The following ATXN7 variants were observed in gnomAD, a reference collection of about 807,000 sequenced individuals.
The protein encoded by ATXN7 is ataxin-7.
A neutral mutation model predicts 70.5 loss-of-function variants in ATXN7; 12 were observed. The observed-to-expected ratio is 0.17, with a 90% CI of 0.11 to 0.28. The LOEUF is 0.28. Ranked by LOEUF, ATXN7 falls within the 10% of genes least tolerant of loss-of-function variation. The pLI is 1.00. For missense variants in ATXN7, 1,256 were observed against 1,131.7 expected, an observed-to-expected ratio of 1.11 and a Z score of -1.58; for synonymous variants, 498 against 448.7, an observed-to-expected ratio of 1.11 and a Z score of -1.39.
chr3:63,929,358 C>T (rs371782846), intron 4 of ATXN7, among the ~76,000 whole-genome samples: 10 of 151,292 alleles, frequency 6.6e-5, no homozygotes, highest in Admixed American at 1.3e-4. Flanking sequence ...CTGCAACCTC[C>T]GACTCCCTGT....
intron 11 of ATXN7, 180 bp downstream of exon 11, chr3:63,991,039 A>G: frequency 6.2e-6 from 5 of 809,476 alleles, no homozygotes; most frequent in Non-Finnish European, 9.5e-6. Flanking sequence ...ACAACTACAT[A>G]TTGTTGTGGG....
intron 5 of ATXN7, among the ~76,000 whole-genome samples, chr3:63,975,366 T>A (rs1020072983): frequency 2.0e-5 from 3 of 152,174 alleles, no homozygotes; most frequent in Admixed American, 6.5e-5. Context: ...GATAACCAAG[T>A]AAACTGTATT....
rs1023992258 is a variant in ATXN7, at chr3:63,879,583, C to A, written c.-111+15425C>A. On this transcript the variant is annotated intron_variant, in intron 1 of 12. Coordinates refer to ENST00000674280, the MANE Select transcript of ATXN7 (RefSeq NM_001377405.1). ...CTCGGCTCACTGCAACCTCTGCCTC[C>A]TGGGTTCAAGCGATTCTCCTGCCTC... 5.3e-5 allele frequency among the ~76,000 whole-genome samples: 8 copies of A among 151,376 alleles called. No individual in the cohort carries two copies. The East Asian group carries it at 1.6e-3, about 30-fold the overall frequency.
At chr3:63,948,149 G>A (rs1200674175) in intron 4 of ATXN7, among the ~76,000 whole-genome samples, 1 of 152,166 alleles carries the variant, frequency 6.6e-6, no homozygotes, top group Non-Finnish European at 1.5e-5. Flanking sequence ...GGTGCTGGTG[G>A]CAGGCCCAAT....
At position 63,996,069 on chromosome 3, in the gene ATXN7, G is replaced by C. The variant is rs759730525; in HGVS notation, c.2247G>C (p.Thr749=). ...VAHSGPPYPS[T]VTSSHSIGLN... Reference sequence around the variant, plus strand: ...ACTCTGGGCCTCCCTACCCCTCAACGGTAACATCTTCCCATAGCATCGGCC... The same window carrying C: ...ACTCTGGGCCTCCCTACCCCTCAACCGTAACATCTTCCCATAGCATCGGCC... The change falls in exon 12 of 13, where the codon ACG becomes ACC. Residue 749 remains threonine, a synonymous_variant. Transcript: ENST00000674280. The C allele has an allele frequency of 7.4e-6, 12 of 1,614,004 alleles. No homozygotes were observed. The highest frequency in any genetic ancestry group is 1.0e-5 in the Non-Finnish European group (12 of 1,180,040).
chr3:63,932,356 G>A (rs1210914813), intron 4 of ATXN7, among the ~76,000 whole-genome samples: 1 of 152,066 alleles, frequency 6.6e-6, no homozygotes, highest in Non-Finnish European at 1.5e-5. Flanking sequence ...TTTTGTCATA[G>A]TAATACCACA....
intron 1 of ATXN7, among the ~76,000 whole-genome samples, chr3:63,887,449 A>G (rs1328408519): frequency 1.3e-5 from 2 of 152,228 alleles, no homozygotes; most frequent in African/African-American, 2.4e-5. Context: ...CATAAGTCTA[A>G]TAATATATTT....
chr3:63,931,391 G>C (rs1197545262), intron 4 of ATXN7, among the ~76,000 whole-genome samples: 1 of 152,094 alleles, frequency 6.6e-6, no homozygotes, highest in Non-Finnish European at 1.5e-5. Context: ...GGTTTTGTAG[G>C]CAATAGCTGT....
chr3:63,913,154 T>C lies in ATXN7; in HGVS notation c.326-3T>C, dbSNP rs1361379220. The stretch of plus-strand genomic sequence containing the variant: ...CCTCCTCCTGTGTGTGTATATCTCC[T>C]AGGGACAGAATTGGACGAAAGTTTC... On this transcript the variant is annotated splice_polypyrimidine_tract_variant and splice_region_variant and intron_variant, in intron 3 of 12. Coordinates refer to ENST00000674280, the MANE Select transcript of ATXN7 (RefSeq NM_001377405.1). 1.2e-5 allele frequency: 19 copies of C among 1,612,810 alleles called. No homozygotes were observed. In the Admixed American group the frequency reaches 1.7e-4, roughly 14 times the overall value.
At chr3:63,920,296 A>G (rs898206811) in intron 4 of ATXN7, among the ~76,000 whole-genome samples, 16 of 152,174 alleles carry the variant, frequency 1.1e-4, no homozygotes, top group African/African-American at 3.9e-4. Context: ...TCAGGAGGGA[A>G]GTATGAGGTA....
At chr3:63,974,490 C>G (rs770570788) in intron 5 of ATXN7, among the ~76,000 whole-genome samples, 15 of 152,242 alleles carry the variant, frequency 9.9e-5, no homozygotes, top group Non-Finnish European at 1.8e-4. Flanking sequence ...TGCTTTCACC[C>G]AGGTGCTGGA....
At chr3:63,871,902 C>A (rs1702604814) in intron 1 of ATXN7, among the ~76,000 whole-genome samples, 1 of 151,100 alleles carries the variant, frequency 6.6e-6, no homozygotes, top group African/African-American at 2.4e-5. Flanking sequence ...CTTTAATTAT[C>A]AATTAAATTG....
Position 63,999,548 on chromosome 3 carries a change from C to T in ATXN7, c.*81C>T, listed in dbSNP as rs760750156. 1.1e-5 allele frequency: 18 copies of T among 1,592,828 alleles called. No individual in the cohort carries two copies. The Admixed American group carries it at 1.2e-4, about 11-fold the overall frequency. The stretch of plus-strand genomic sequence containing the variant: ...CCTCCACTCAGCACTCTGGACTCCA[C>T]GATGCCTTTGAGTCTGTTTTCCCAA... On this transcript the variant is annotated 3_prime_UTR_variant, in exon 13 of 13. Coordinates refer to ENST00000674280, the MANE Select transcript of ATXN7 (RefSeq NM_001377405.1).
chr3:63,993,275 A>ATTTTTTTTTTTTTTTTTTTTTTTT (rs556994956), intron 11 of ATXN7, among the ~76,000 whole-genome samples: 2 of 116,014 alleles, frequency 1.7e-5, no homozygotes, highest in African/African-American at 6.5e-5. Flanking sequence ...TTGTTGGTGT[A>ATTTTTTTTTTTTTTTTTTTTTTTT]TTTTTTTTTT....
rs544960258 is a variant in ATXN7 at position 63,961,703 on chromosome 3, AT to A, written c.499+9228del. 2.9e-4 allele frequency among the ~76,000 whole-genome samples: 44 copies of A among 151,970 alleles called. 1 individual carries two copies. In the South Asian group the frequency reaches 3.7e-3, roughly 13 times the overall value. ...AAAGTAGAGGAAAAAACAGTTGGAA[AT>A]TTTTTTTAAAAAGGCTTAATAAAAA... On this transcript the variant is annotated intron_variant, in intron 5 of 12. Transcript: ENST00000674280.
At position 63,953,807 on chromosome 3, in the gene ATXN7, C is replaced by T. The variant is rs145664489; in HGVS notation, c.499+1324C>T. ...CTGGGACTACAGGCACCCGCCACCA[C>T]CATCTAATTTTTGTATTTTTAGTAG... On this transcript the variant is annotated intron_variant, in intron 5 of 12. Coordinates refer to ENST00000674280, the MANE Select transcript of ATXN7 (RefSeq NM_001377405.1). Among the ~76,000 whole-genome samples the T allele has an allele frequency of 9.3e-3, 1,413 of 152,124 alleles. 20 individuals are homozygous for T. The highest frequency in any genetic ancestry group is 0.031 in the African/African-American group (1,269 of 41,502).
chr3:63,909,353 C>T (rs1206363721), intron 2 of ATXN7, among the ~76,000 whole-genome samples: 1 of 152,142 alleles, frequency 6.6e-6, no homozygotes, highest in South Asian at 2.1e-4. Context: ...ACTGCTTGGG[C>T]TCAGGAGTTT....
chr3:63,882,398 T>C (rs1037634906), intron 1 of ATXN7, among the ~76,000 whole-genome samples: 1 of 151,276 alleles, frequency 6.6e-6, no homozygotes, highest in African/African-American at 2.4e-5. Flanking sequence ...TTTTTTTTTT[T>C]TTTTTGGGTC....
At chr3:63,998,848 A>G (rs2075801624) in intron 12 of ATXN7, 1 of 279,094 alleles carries the variant, frequency 3.6e-6, no homozygotes, top group Non-Finnish European at 5.4e-6. Flanking sequence ...CCATTAAAAC[A>G]AAAATAACTG....
Sources: allele counts gnomAD v4.1 joint callset (sites outside exome capture counted in the v4.1 genomes callset), GRCh38; gene constraint gnomAD v4.1.1; transcripts MANE v1.5; gene names NCBI Gene and HGNC (gene_info 2026-07-23, HGNC 2026-07-21).